PIDD1: variants seen among roughly 807,000 people sequenced by gnomAD.
PIDD1 encodes p53-induced death domain-containing protein 1.
A neutral mutation model predicts 80.0 loss-of-function variants in PIDD1; 72 were observed. The observed-to-expected ratio is 0.90, with a 90% CI of 0.74 to 1.09. The LOEUF (loss-of-function observed/expected upper bound fraction) is 1.09, where lower values mean the gene tolerates loss of function less well. PIDD1 is among the 50% of genes least tolerant of loss of function. The pLI is 0.00. For missense variants in PIDD1, 1,329 were observed against 1,228.3 expected, an observed-to-expected ratio of 1.08 and a Z score of -1.23; for synonymous variants, 655 against 543.5, an observed-to-expected ratio of 1.21 and a Z score of -2.85.
chr11:808,461 G>A (rs948835560), upstream of PIDD1, among the ~76,000 whole-genome samples: 2 of 152,122 alleles, frequency 1.3e-5, no homozygotes, highest in Non-Finnish European at 2.9e-5. Context: ...GGGCGCGGTA[G>A]CTCACGCCTG....
upstream of PIDD1, among the ~76,000 whole-genome samples, chr11:807,628 T>C (rs914492062): frequency 1.3e-5 from 2 of 151,646 alleles, no homozygotes; most frequent in African/African-American, 4.8e-5. Context: ...ACACAAAAAC[T>C]TAGCCGGGCG....
intron 14 of PIDD1, 28 bp from the exon 15 acceptor site, chr11:800,042 C>T (rs762016135): frequency 6.2e-6 from 10 of 1,610,322 alleles, no homozygotes; most frequent in East Asian, 2.2e-5. Context: ...TGCATTAAGC[C>T]CTGGGCTCCA....
At chr11:805,516 G>C (rs552181116), upstream of PIDD1, 1 of 692,858 alleles carries the variant, frequency 1.4e-6, no homozygotes, top group East Asian at 1.3e-4. Flanking sequence ...CGCCCTTTCC[G>C]AGGTTCTCGG....
Position 800,875 on chromosome 11 carries a change from C to T in PIDD1, c.1804G>A (p.Gly602Ser), listed in dbSNP as rs779598813. The change falls in exon 11 of 16, where the codon GGC becomes AGC. Residue 602 changes from glycine (G) to serine (S), a missense_variant. Transcript: ENST00000347755. ...LWYTTKNCVG[G>S]LARKAWERLR... ...CGCTCCCAGGCCTTCCGAGCCAGGC[C>T]TCCCACACAGTTCTTGGTGGTGTAC... 16 of 1,586,624 alleles carry T rather than the reference C, an allele frequency of 1.0e-5. No individual in the cohort carries two copies. Among genetic ancestry groups the T allele is most frequent in the Middle Eastern group, 1.7e-4 (1 of 6,044 alleles).
At chr11:802,510 A>T (rs1865443480) in intron 5 of PIDD1, 33 bp downstream of exon 5, 21 of 1,609,254 alleles carry the variant, frequency 1.3e-5, no homozygotes, top group Non-Finnish European at 1.8e-5. Flanking sequence ...AGGCAGACAG[A>T]CTCCCCTCCA....
chr11:805,307 G>GC, upstream of PIDD1: 1 of 753,334 alleles, frequency 1.3e-6, no homozygotes, highest in African/African-American at 1.9e-5. Flanking sequence ...CTCGGGACGC[G>GC]CCCCCTCCGC....
intron 14 of PIDD1, 52 bp from the exon 15 acceptor site, chr11:800,066 C>T (rs755110749): frequency 6.2e-7 from 1 of 1,606,284 alleles, no homozygotes; most frequent in South Asian, 1.1e-5. Flanking sequence ...CCAACTCCAC[C>T]ATGTCACCCT....
intron 3 of PIDD1, 114 bp downstream of exon 3, chr11:803,060 A>C (rs1865507131): frequency 5.1e-6 from 5 of 975,830 alleles, no homozygotes; most frequent in Non-Finnish European, 6.1e-6. Context: ...GTGGAGGGAC[A>C]ACCAAGAGGC....
At chr11:803,099 G>T in intron 3 of PIDD1, 75 bp downstream of exon 3, 1 of 1,155,652 alleles carries the variant, frequency 8.7e-7, no homozygotes, top group Non-Finnish European at 1.2e-6. Context: ...TGGGTGCAGA[G>T]GCCCCTGCAG....
chr11:802,135 C>T (rs755475618), intron 6 of PIDD1, 45 bp from the exon 7 acceptor site: 94 of 1,561,032 alleles, frequency 6.0e-5, no homozygotes, highest in Admixed American at 1.5e-4. Context: ...TGCCCGGGCC[C>T]GCACACTGCC....
chr11:807,520 C>G (rs1292067860), upstream of PIDD1, among the ~76,000 whole-genome samples: 1 of 145,548 alleles, frequency 6.9e-6, no homozygotes. Context: ...GCTCACGCCT[C>G]TAATCCCAGC....
Position 801,114 on chromosome 11 carries a change from C to A in PIDD1, c.1637G>T (p.Ser546Ile). The A allele has an allele frequency of 6.4e-7, 1 of 1,560,140 alleles. No individual in the cohort carries two copies. Among genetic ancestry groups the A allele is most frequent in the Non-Finnish European group, 8.7e-7 (1 of 1,149,714 alleles). Reference protein sequence around the residue: ...LPLPSGITGLSLDRSRLHLLY... With the variant: ...LPLPSGITGLILDRSRLHLLY... ...CAGGTGCAGGCGGGAGCGGTCCAGA[C>A]TGAGGCCTGGGGATGGGAGGGGCAG... The change falls in exon 10 of 16, where the codon AGT (serine) becomes ATT (isoleucine). Residue 546 changes from serine (S) to isoleucine (I), a missense_variant. Physicochemically the swap from Ser to Ile is moderately radical, Grantham distance 142. Coordinates refer to ENST00000347755, the MANE Select transcript of PIDD1 (RefSeq NM_145886.4).
chr11:804,202 G>A lies in PIDD1; in HGVS notation c.187C>T (p.Gln63Ter). The A allele has an allele frequency of 6.2e-7, 1 of 1,613,208 alleles. No homozygotes were observed. The highest frequency in any genetic ancestry group is 8.5e-7 in the Non-Finnish European group (1 of 1,179,890). Residue 63 changes from glutamine (Q) to a stop codon, truncating the protein, a stop_gained, in exon 2 of 16, where the codon CAG (glutamine) becomes TAG (stop). Transcript: ENST00000347755. LOFTEE classifies it high-confidence loss of function. ...GTGCTCAGACGCAAGAATTCCACCT[G>A]CAGCAGCTGCAGAGGCTGCTGGACA... ...LCVQQPLQLLQVEFLRLSTHE... is the reference protein window; with the variant it reads ...LCVQQPLQLL
At chr11:801,657 C>T (rs983994064) in intron 7 of PIDD1, 33 bp from the exon 8 acceptor site, 2 of 1,533,306 alleles carry the variant, frequency 1.3e-6, no homozygotes, top group Non-Finnish European at 8.8e-7. Context: ...TCACAGGAGC[C>T]TGGGTCAGGG....
Position 803,224 on chromosome 11 carries a change from AG to A in PIDD1, c.658del (p.Leu220TrpfsTer51). 6.2e-7 allele frequency: 1 copy of A among 1,612,112 alleles called. No homozygotes were observed. Among genetic ancestry groups the A allele is most frequent in the Non-Finnish European group, 8.5e-7 (1 of 1,179,796 alleles). The part of the protein sequence containing the change: ...PPEIGGLGSL[L>X]ELNLASNRLQ... The stretch of plus-strand genomic sequence containing the variant: ...CCGGTTGGAGGCCAGGTTGAGCTCC[AG>A]GAGGCTGCCCAGGCCTCCAATCTCA... On this transcript the variant is annotated frameshift_variant, in exon 3 of 16. Transcript: ENST00000347755. LOFTEE classifies it high-confidence loss of function.
chr11:802,040 A>C lies in PIDD1; in HGVS notation c.1227T>G (p.Arg409=). 6.3e-7 allele frequency: 1 copy of C among 1,595,006 alleles called. No homozygotes were observed. Among genetic ancestry groups the C allele is most frequent in the Non-Finnish European group, 8.5e-7 (1 of 1,171,532 alleles). Residue 409 remains arginine, a synonymous_variant, in exon 7 of 16, where the codon CGT becomes CGG. Coordinates refer to ENST00000347755, the MANE Select transcript of PIDD1 (RefSeq NM_145886.4). ...CATTCCGGGTCCTGACCACCACTTC[A>C]CGGCAGCGCCGGGCCTGCGGTGGGG... ...LFTPPQARRC[R]EVVVRTRNDN...
intron 3 of PIDD1, 46 bp from the exon 4 acceptor site, chr11:802,937 G>A: frequency 6.8e-7 from 1 of 1,478,156 alleles, no homozygotes; most frequent in Non-Finnish European, 9.2e-7. Flanking sequence ...CCAGCCCACG[G>A]CGCTGGGACA....
At chr11:801,156 G>A (rs1266548628) in intron 9 of PIDD1, 36 bp from the exon 10 acceptor site, 13 of 1,547,034 alleles carry the variant, frequency 8.4e-6, no homozygotes, top group Non-Finnish European at 1.1e-5. Context: ...GAGGCCTCCT[G>A]GCCGGAGACC....
At position 800,832 on chromosome 11, in the gene PIDD1, A is replaced by G. The variant is rs1865236391; in HGVS notation, c.1847T>C (p.Val616Ala). 6.4e-7 allele frequency: 1 copy of G among 1,566,110 alleles called. No homozygotes were observed. Among genetic ancestry groups the G allele is most frequent in the Non-Finnish European group, 8.7e-7 (1 of 1,155,952 alleles). ...GCGCCGCTGCAGAGCGATGAGGTTC[A>G]CACGGTGCAGCCGCAGCCGCTCCCA... Reference protein sequence around the residue: ...KAWERLRLHRVNLIALQRRRD... With the variant: ...KAWERLRLHRANLIALQRRRD... Residue 616 changes from valine to alanine, a missense_variant, in exon 11 of 16, where the codon GTG (valine) becomes GCG (alanine). Coordinates refer to ENST00000347755, the MANE Select transcript of PIDD1 (RefSeq NM_145886.4).
Sources: allele counts gnomAD v4.1 joint callset (sites outside exome capture counted in the v4.1 genomes callset), GRCh38; gene constraint gnomAD v4.1.1; transcripts MANE v1.5; gene names NCBI Gene and HGNC (gene_info 2026-07-23, HGNC 2026-07-21).